NCOA7: variants seen among roughly 807,000 people sequenced by gnomAD.
NCOA7 encodes the protein nuclear receptor coactivator 7.
In NCOA7, 45 loss-of-function variants were observed where a neutral mutation model predicts 104.3. That is an observed-to-expected ratio of 0.43 (90% confidence interval 0.34 to 0.55). The LOEUF (loss-of-function observed/expected upper bound fraction) is 0.55. NCOA7 is among the 20% of genes least tolerant of loss of function. The pLI is 0.02. For synonymous variants in NCOA7, 398 were observed against 402.3 expected (o/e 0.99, Z 0.13); for missense variants, 1,041 against 1,119.7 (o/e 0.93, Z 1.00).
intron 10 of NCOA7, among the ~76,000 whole-genome samples, chr6:125,894,723 G>A (rs563927500): frequency 1.5e-4 from 23 of 151,484 alleles, no homozygotes; most frequent in Admixed American, 7.2e-4. Flanking sequence ...TGTATTAACC[G>A]ATTTCCCATT....
rs375630157 is a variant in NCOA7 at position 125,894,764 on chromosome 6, T to G, written c.2096+3954T>G. Among the ~76,000 whole-genome samples the G allele has an allele frequency of 5.3e-3, 812 of 151,854 alleles. 9 individuals are homozygous for G. The highest frequency in any genetic ancestry group is 0.019 in the African/African-American group (778 of 41,364). ...CAAGAATACTGTGCTGGCAGCAAGC[T>G]GTACTTTTTTTTTTTTTTCCTAAAT... On this transcript the variant is annotated intron_variant, in intron 10 of 15. Coordinates refer to ENST00000392477, the MANE Select transcript of NCOA7 (RefSeq NM_181782.5).
At chr6:125,922,571 A>G in intron 12 of NCOA7, 111 bp from the exon 13 acceptor site, 1 of 1,226,220 alleles carries the variant, frequency 8.2e-7, no homozygotes, top group Non-Finnish European at 1.1e-6. Flanking sequence ...GAGGGGCACT[A>G]TGTGAGTGTA....
intron 4 of NCOA7, among the ~76,000 whole-genome samples, chr6:125,876,422 G>A (rs1803155911): frequency 6.6e-6 from 1 of 151,946 alleles, no homozygotes; most frequent in Non-Finnish European, 1.5e-5. Context: ...CCTCAAAATA[G>A]GCACTCAAGA....
chr6:125,878,415 AT>A lies in NCOA7; in HGVS notation c.459+46del, dbSNP rs751465649. ...ATATAACTCTAGAAATTCTGCATTT[AT>A]CTTTTATTGCCGTTTTCAGTGCCTC... is the stretch of plus-strand genomic sequence containing the variant. On this transcript the variant is annotated intron_variant, in intron 5 of 15. Transcript: ENST00000392477. The A allele has an allele frequency of 2.1e-6, 3 of 1,404,342 alleles. No homozygotes were observed. The African/African-American group carries it at 4.3e-5, about 20-fold the overall frequency. 87.0% of individuals were successfully genotyped at this position (1,404,342 alleles called of 1,614,324 possible).
chr6:125,789,954 G>C (rs984012450), upstream of NCOA7, among the ~76,000 whole-genome samples: 3 of 152,226 alleles, frequency 2.0e-5, no homozygotes, highest in Non-Finnish European at 4.4e-5. Context: ...TGCAGTGCTG[G>C]TCATGGGACC....
upstream of NCOA7, among the ~76,000 whole-genome samples, chr6:125,789,842 C>T (rs1360015460): frequency 6.6e-6 from 1 of 152,160 alleles, no homozygotes; most frequent in Non-Finnish European, 1.5e-5. Context: ...GTGTGGAAGG[C>T]CTGTAACACA....
intron 15 of NCOA7, among the ~76,000 whole-genome samples, 153 bp downstream of exon 15, chr6:125,928,400 G>A (rs1001470339): frequency 6.6e-6 from 1 of 152,138 alleles, no homozygotes; most frequent in South Asian, 2.1e-4. Flanking sequence ...ACACAGAATG[G>A]CCTAACTAAG....
At chr6:125,813,665 G>T (rs771159404) in intron 1 of NCOA7, among the ~76,000 whole-genome samples, 9 of 151,764 alleles carry the variant, frequency 5.9e-5, no homozygotes, top group Non-Finnish European at 1.3e-4. Context: ...GGCCAGGCTG[G>T]TCCCGAACTC....
intron 10 of NCOA7, among the ~76,000 whole-genome samples, chr6:125,908,941 T>C (rs1786276921): frequency 6.6e-6 from 1 of 152,250 alleles, no homozygotes; most frequent in African/African-American, 2.4e-5. Context: ...GATTGATTCT[T>C]CATTCCCTTG....
chr6:125,850,237 T>G (rs1781003292), intron 2 of NCOA7, among the ~76,000 whole-genome samples: 1 of 152,208 alleles, frequency 6.6e-6, no homozygotes, highest in South Asian at 2.1e-4. Context: ...GAAACACATC[T>G]GATTTCCAGT....
intron 2 of NCOA7, among the ~76,000 whole-genome samples, chr6:125,839,754 T>C (rs935238209): frequency 6.6e-6 from 1 of 152,122 alleles, no homozygotes; most frequent in Non-Finnish European, 1.5e-5. Context: ...TAACAAATTC[T>C]ATCATCCAGT....
chr6:125,927,437 A>G (rs1268977317), intron 13 of NCOA7, among the ~76,000 whole-genome samples: 1 of 152,234 alleles, frequency 6.6e-6, no homozygotes, highest in Non-Finnish European at 1.5e-5. Context: ...AAGCTTTGTC[A>G]GATGAATTTT....
At chr6:125,878,480 G>A (rs1022046907) in intron 5 of NCOA7, 110 bp downstream of exon 5, 4 of 677,824 alleles carry the variant, frequency 5.9e-6, no homozygotes, top group African/African-American at 3.8e-5. Context: ...ATGATAATGT[G>A]CTTTGGTTCA....
intron 2 of NCOA7, among the ~76,000 whole-genome samples, chr6:125,838,848 A>G (rs1361224600): frequency 1.3e-5 from 2 of 151,800 alleles, no homozygotes; most frequent in African/African-American, 4.8e-5. Context: ...CTTACACTTA[A>G]CCAGTTTATT....
intron 2 of NCOA7, among the ~76,000 whole-genome samples, chr6:125,850,949 A>G (rs569520047): frequency 6.6e-6 from 1 of 152,290 alleles, no homozygotes; most frequent in African/African-American, 2.4e-5. Flanking sequence ...ATCAGGAGAG[A>G]AATTGTTTTA....
At chr6:125,815,925 G>C (rs1328690759) in intron 2 of NCOA7, among the ~76,000 whole-genome samples, 1 of 152,172 alleles carries the variant, frequency 6.6e-6, no homozygotes, top group Non-Finnish European at 1.5e-5. Context: ...TATCTGAATA[G>C]AAGTAATGTA....
intron 2 of NCOA7, among the ~76,000 whole-genome samples, chr6:125,853,801 G>A (rs1043273365): frequency 2.0e-5 from 3 of 152,186 alleles, no homozygotes; most frequent in African/African-American, 7.2e-5. Flanking sequence ...AGGAAGTACA[G>A]TTATCACCAT....
chr6:125,889,945 T>G lies in NCOA7; in HGVS notation c.1891T>G (p.Leu631Val). 6.4e-7 allele frequency: 1 copy of G among 1,560,860 alleles called. No individual in the cohort carries two copies. The highest frequency in any genetic ancestry group is 8.6e-7 in the Non-Finnish European group (1 of 1,157,638). Residue 631 changes from leucine to valine, a missense_variant, in exon 9 of 16, where the codon TTG (leucine) becomes GTG (valine). Coordinates refer to ENST00000392477, the MANE Select transcript of NCOA7 (RefSeq NM_181782.5). The part of the protein sequence containing the change: ...AQMDNKSEVQ[L>V]WLLKRIQVPI... ...AATGGATAATAAATCTGAAGTTCAG[T>G]TGTGGCTGTTAAAGAGAATTCAGGT...
chr6:125,837,190 A>G (rs1374872918), intron 2 of NCOA7, among the ~76,000 whole-genome samples: 1 of 151,922 alleles, frequency 6.6e-6, no homozygotes, highest in East Asian at 1.9e-4. Flanking sequence ...GAAATTTGAC[A>G]TAGATAACTT....
Sources: gnomAD v4.1 joint callset for allele counts (sites outside exome capture counted in the v4.1 genomes callset) on GRCh38, gnomAD v4.1.1 for gene constraint, MANE v1.5 for transcripts, NCBI Gene and HGNC (gene_info 2026-07-23, HGNC 2026-07-21) for gene names.